TIMM17A: variants seen among roughly 807,000 people sequenced by gnomAD.
TIMM17A encodes the protein mitochondrial import inner membrane translocase subunit Tim17-A.
A neutral mutation model predicts 26.5 loss-of-function variants in TIMM17A; 15 were observed. The ratio of observed to expected loss-of-function variants is 0.57; its 90% CI spans 0.38 to 0.87. TIMM17A has a LOEUF of 0.87. Among genes scored for constraint, TIMM17A ranks in the 40% least tolerant of loss-of-function variants. The pLI, the probability that TIMM17A is intolerant of heterozygous loss-of-function variation, is 0.00. For missense variants in TIMM17A, 201 were observed against 210.0 expected, an observed-to-expected ratio of 0.96 and a Z score of 0.27; for synonymous variants, 80 against 70.8, an observed-to-expected ratio of 1.13 and a Z score of -0.66.
At chr1:201,964,666 T>A (rs1223132020) in intron 4 of TIMM17A, among the ~76,000 whole-genome samples, 2 of 92,378 alleles carry the variant, frequency 2.2e-5, no homozygotes, top group African/African-American at 3.6e-5. Context: ...TTTTTTTTTT[T>A]GAGACTGAGT....
At chr1:201,957,212 T>C (rs1682429025) in intron 1 of TIMM17A, 69 bp from the exon 2 acceptor site, 5 of 994,448 alleles carry the variant, frequency 5.0e-6, no homozygotes, top group Non-Finnish European at 7.9e-6. Flanking sequence ...TAATCCTTAC[T>C]GTATTGGCAA....
intron 4 of TIMM17A, among the ~76,000 whole-genome samples, chr1:201,964,806 G>A (rs1284549379): frequency 4.0e-5 from 6 of 149,828 alleles, no homozygotes; most frequent in East Asian, 2.0e-4. Context: ...GTGCCACCAC[G>A]CCTGGCTAAT....
At chr1:201,963,530 TAGTG>T in intron 3 of TIMM17A, 82 bp from the exon 4 acceptor site, 1 of 1,411,344 alleles carries the variant, frequency 7.1e-7, no homozygotes, top group African/African-American at 1.5e-5. Flanking sequence ...TTTGAGACTA[TAGTG>T]AGTATGTTTT....
chr1:201,966,991 T>TGTG (rs1491350132), intron 5 of TIMM17A, among the ~76,000 whole-genome samples: 10 of 133,098 alleles, frequency 7.5e-5, no homozygotes, highest in African/African-American at 2.8e-4. Context: ...ATTATATATG[T>TGTG]TGTGTGTGTG....
At chr1:201,967,612 G>A (rs563962092) in intron 5 of TIMM17A, among the ~76,000 whole-genome samples, 42 of 148,082 alleles carry the variant, frequency 2.8e-4, no homozygotes, top group African/African-American at 9.2e-4. Flanking sequence ...GTGCAATCTC[G>A]GCTCACTGCA....
intron 3 of TIMM17A, among the ~76,000 whole-genome samples, chr1:201,959,622 C>T (rs1404659102): frequency 6.6e-6 from 1 of 151,992 alleles, no homozygotes; most frequent in Non-Finnish European, 1.5e-5. Flanking sequence ...CCATTGGACT[C>T]CAGCTTGGGT....
At chr1:201,959,892 T>C (rs1296886349) in intron 3 of TIMM17A, among the ~76,000 whole-genome samples, 1 of 151,806 alleles carries the variant, frequency 6.6e-6, no homozygotes, top group Non-Finnish European at 1.5e-5. Flanking sequence ...TCCCGGCTCC[T>C]TGGGAGGCTG....
rs1682701969 is a variant in TIMM17A, at chr1:201,969,775, A to G, written c.*221A>G. The G allele has an allele frequency of 5.2e-6, 2 of 387,700 alleles. No homozygotes were observed. The highest frequency in any genetic ancestry group is 2.1e-5 in the African/African-American group (1 of 47,960). The allele number at this position is 387,700 out of a possible 1,614,324, so 24.0% of individuals were successfully genotyped here. On this transcript the variant is annotated 3_prime_UTR_variant, in exon 6 of 6. Transcript: ENST00000367287. ...CACACTTGAATTGCATTTGTGATCA[A>G]AATAAATGTTTAAATCGCTAAAGGA...
chr1:201,960,133 C>T (rs898242377), intron 3 of TIMM17A, among the ~76,000 whole-genome samples: 3 of 152,208 alleles, frequency 2.0e-5, no homozygotes, highest in African/African-American at 4.8e-5. Context: ...GGCACAGTGG[C>T]TCACACCTGT....
At chr1:201,963,978 G>C (rs181723364) in intron 4 of TIMM17A, among the ~76,000 whole-genome samples, 147 of 152,144 alleles carry the variant, frequency 9.7e-4, no homozygotes, top group Admixed American at 8.6e-3. Flanking sequence ...AATTAGCTGG[G>C]TGTGTTGGTG....
Position 201,955,511 on chromosome 1 carries a change from C to T in TIMM17A, c.-16C>T, listed in dbSNP as rs760961559. 9.9e-6 allele frequency: 16 copies of T among 1,614,224 alleles called. No homozygotes were observed. In the South Asian group the frequency reaches 1.4e-4, roughly 14 times the overall value. On this transcript the variant is annotated 5_prime_UTR_variant, in exon 1 of 6. Coordinates refer to ENST00000367287, the MANE Select transcript of TIMM17A (RefSeq NM_006335.3). The stretch of plus-strand genomic sequence containing the variant: ...CGCCCAGCTTGCCCGGCATCACTCG[C>T]GGCATTGGAGTCAAGATGGAGGAGT...
In TIMM17A at chr1:201,957,061, A is replaced by G. The variant is rs1050648245; in HGVS notation, c.27-220A>G. On this transcript the variant is annotated intron_variant, in intron 1 of 5. Coordinates refer to ENST00000367287, the MANE Select transcript of TIMM17A (RefSeq NM_006335.3). Reference sequence around the variant, plus strand: ...AGTACGTATGCCCTGAAACAATATAATCAGTTACCTGGTTATCTTTGTAGT... The same window carrying G: ...AGTACGTATGCCCTGAAACAATATAGTCAGTTACCTGGTTATCTTTGTAGT... Among the ~76,000 whole-genome samples, 14 of 152,090 alleles carry G rather than the reference A, an allele frequency of 9.2e-5. 1 individual carries two copies. The highest frequency in any genetic ancestry group is 2.9e-4 in the African/African-American group (12 of 41,430).
At chr1:201,967,275 G>A (rs1183091184) in intron 5 of TIMM17A, among the ~76,000 whole-genome samples, 2 of 151,846 alleles carry the variant, frequency 1.3e-5, no homozygotes, top group East Asian at 3.9e-4. Flanking sequence ...TGACCCTGCA[G>A]ACCCTCTCAC....
intron 3 of TIMM17A, among the ~76,000 whole-genome samples, chr1:201,961,255 T>C (rs1430053776): frequency 1.3e-5 from 2 of 151,804 alleles, no homozygotes; most frequent in Admixed American, 6.6e-5. Context: ...TTAGTGGAGA[T>C]GGGGTTTCAC....
At chr1:201,959,023 T>G (rs887787253) in intron 3 of TIMM17A, among the ~76,000 whole-genome samples, 1 of 152,196 alleles carries the variant, frequency 6.6e-6, no homozygotes, top group African/African-American at 2.4e-5. Flanking sequence ...TATTCAAGAA[T>G]GATGAGTGGT....
rs1558250916 is a variant in TIMM17A at position 201,963,627 on chromosome 1, G to C, written c.202G>C (p.Val68Leu). 6.2e-7 allele frequency: 1 copy of C among 1,602,108 alleles called. No individual in the cohort carries two copies. ...TTACAATAAAATAGGTAGCTTTGCAGTTTGGGGAGGGCTGTTTTCCATGAT... is the reference window on the plus strand; with the variant it reads ...TTACAATAAAATAGGTAGCTTTGCACTTTGGGGAGGGCTGTTTTCCATGAT... ...RAPQLGGSFA[V>L]WGGLFSMIDC... is the part of the protein sequence containing the mutation. The change falls in exon 4 of 6, where the codon GTT (valine) becomes CTT (leucine). Residue 68 changes from valine (V) to leucine (L), a missense_variant. By Grantham distance (32) the Val-to-Leu change is conservative. Coordinates refer to ENST00000367287, the MANE Select transcript of TIMM17A (RefSeq NM_006335.3).
At position 201,963,638 on chromosome 1, in the gene TIMM17A, G is replaced by A; in HGVS notation, c.213G>A (p.Gly71=). 1.2e-6 allele frequency: 2 copies of A among 1,604,140 alleles called. No homozygotes were observed. The highest frequency in any genetic ancestry group is 8.5e-7 in the Non-Finnish European group (1 of 1,177,556). Residue 71 remains glycine, a synonymous_variant, in exon 4 of 6, where the codon GGG becomes GGA. Coordinates refer to ENST00000367287, the MANE Select transcript of TIMM17A (RefSeq NM_006335.3). ...TAGGTAGCTTTGCAGTTTGGGGAGG[G>A]CTGTTTTCCATGATTGACTGTAGTA... ...QLGGSFAVWG[G]LFSMIDCSMV...
At position 201,969,548 on chromosome 1, in the gene TIMM17A, T is replaced by C. The variant is rs1682695672; in HGVS notation, c.510T>C (p.Tyr170=). The C allele has an allele frequency of 1.2e-6, 2 of 1,612,260 alleles. No individual in the cohort carries two copies. Among genetic ancestry groups the C allele is most frequent in the Middle Eastern group, 1.7e-4 (1 of 6,058 alleles). Residue 170 remains tyrosine, a synonymous_variant, in exon 6 of 6, where the codon TAT becomes TAC. Coordinates refer to ENST00000367287, the MANE Select transcript of TIMM17A (RefSeq NM_006335.3). ...CACCTTTTGGAGACTATCGACAATA[T>C]CAGTAGGACTTCTTTCCTAGGATTT... ...PSSPFGDYRQ[Y]Q
intron 4 of TIMM17A, 100 bp downstream of exon 4, chr1:201,963,844 G>T (rs2102944397): frequency 7.7e-7 from 1 of 1,297,362 alleles, no homozygotes; most frequent in South Asian, 1.8e-5. Flanking sequence ...ACTGATTATT[G>T]ACCAGGCACA....
Sources: allele counts gnomAD v4.1 joint callset (sites outside exome capture counted in the v4.1 genomes callset), GRCh38; gene constraint gnomAD v4.1.1; transcripts MANE v1.5; gene names NCBI Gene and HGNC (gene_info 2026-07-23, HGNC 2026-07-21).